Variants in PCDHGB6 observed in about 807,000 individuals in gnomAD.
PCDHGB6 encodes the protein protocadherin gamma-B6.
In PCDHGB6, 51 loss-of-function variants were observed where a neutral mutation model predicts 59.1. The observed-to-expected ratio is 0.86, with a 90% CI of 0.69 to 1.09. The LOEUF is 1.09. Ranked by LOEUF, PCDHGB6 falls within the 50% of genes least tolerant of loss-of-function variation. PCDHGB6 has a pLI of 0.00. For missense variants in PCDHGB6, 1,148 were observed against 1,205.1 expected (o/e 0.95, Z 0.70); for synonymous variants, 466 against 495.1 (o/e 0.94, Z 0.78).
At position 141,491,884 on chromosome 5, in the gene PCDHGB6, G is replaced by A. The variant is rs745931108; in HGVS notation, c.2419-2923G>A. The A allele has an allele frequency of 2.8e-6, 4 of 1,446,372 alleles. No homozygotes were observed. The highest frequency in any genetic ancestry group is 2.9e-5 in the Admixed American group (1 of 34,718). 89.6% of individuals were successfully genotyped at this position (1,446,372 alleles called of 1,614,324 possible). ...AACCAGAGTGGCCGATTAAGGGATG[G>A]GGCTCCGAGCACCGGGGGTGGTGGC... On this transcript the variant is annotated intron_variant, in intron 1 of 3. Coordinates refer to ENST00000520790, the MANE Select transcript of PCDHGB6 (RefSeq NM_018926.3). This position sits in a 1 kb window ranked among gnomAD's most constrained non-coding sequence, Gnocchi z 6.9.
At position 141,432,065 on chromosome 5, in the gene PCDHGB6, AC is replaced by A; in HGVS notation, c.2418+21446del. 1.2e-6 allele frequency: 2 copies of A among 1,614,048 alleles called. No homozygotes were observed. The highest frequency in any genetic ancestry group is 1.7e-6 in the Non-Finnish European group (2 of 1,180,006). On this transcript the variant is annotated intron_variant, in intron 1 of 3. Transcript: ENST00000520790. The surrounding 1 kb of genome is among the most constrained non-coding windows in gnomAD (Gnocchi z 6.0). ...GGGAACCCCGCCCCTATCCACGGAA[AC>A]TCATATCTCGCTGAACGTGGCAGAC...
At chr5:141,445,207 AAAGT>A (rs1322618652) in intron 1 of PCDHGB6, among the ~76,000 whole-genome samples, 1 of 152,196 alleles carries the variant, frequency 6.6e-6, no homozygotes, top group Non-Finnish European at 1.5e-5. Flanking sequence ...ATGCTTTTGA[AAAGT>A]AAGAGGTGCA....
At chr5:141,508,642 T>A (rs893357826) in intron 3 of PCDHGB6, among the ~76,000 whole-genome samples, 13 of 152,070 alleles carry the variant, frequency 8.5e-5, no homozygotes, top group Admixed American at 2.6e-4. Flanking sequence ...AGCTACTCCG[T>A]CAGGCCCTTC....
At chr5:141,419,279 G>C in intron 1 of PCDHGB6, 1 of 1,614,042 alleles carries the variant, frequency 6.2e-7, no homozygotes, top group South Asian at 1.1e-5. Flanking sequence ...CATAGCGCAA[G>C]TCAGTGCCTC....
chr5:141,497,239 G>A (rs2099775226), intron 2 of PCDHGB6, among the ~76,000 whole-genome samples: 1 of 152,104 alleles, frequency 6.6e-6, no homozygotes, highest in Admixed American at 6.5e-5. Flanking sequence ...AAGGCTTCTA[G>A]GAGGAGGTGA....
intron 1 of PCDHGB6, among the ~76,000 whole-genome samples, chr5:141,430,243 T>C (rs1020416761): frequency 5.6e-5 from 6 of 106,478 alleles, no homozygotes; most frequent in African/African-American, 3.0e-4. Flanking sequence ...GAGAAACTCC[T>C]AGGGAGACAT....
In PCDHGB6 at chr5:141,487,694, AC is replaced by A. The variant is rs1296386169; in HGVS notation, c.2419-7112del. On this transcript the variant is annotated intron_variant, in intron 1 of 3. Coordinates refer to ENST00000520790, the MANE Select transcript of PCDHGB6 (RefSeq NM_018926.3). The surrounding 1 kb of genome is among the most constrained non-coding windows in gnomAD (Gnocchi z 5.0). ...ATGGCTAGGCCATGTCCTAGAGAGT[AC>A]TGGCCTCTCAGTAAGTGCCCATAGT... is the stretch of plus-strand genomic sequence containing the variant. The A allele has an allele frequency of 6.2e-7, 1 of 1,602,048 alleles. No individual in the cohort carries two copies. The highest frequency in any genetic ancestry group is 2.2e-5 in the East Asian group (1 of 44,642).
Position 141,486,170 on chromosome 5 carries a change from C to A in PCDHGB6, c.2419-8637C>A. ...TGGGGGTTCTCCAGCCATGGAGCAACATTGCAGCCTTCGAGTGGATCTGCT... is the reference window on the plus strand; with the variant it reads ...TGGGGGTTCTCCAGCCATGGAGCAAAATTGCAGCCTTCGAGTGGATCTGCT... On this transcript the variant is annotated intron_variant, in intron 1 of 3. Coordinates refer to ENST00000520790, the MANE Select transcript of PCDHGB6 (RefSeq NM_018926.3). This position sits in a 1 kb window ranked among gnomAD's most constrained non-coding sequence, Gnocchi z 5.0. 6.2e-7 allele frequency: 1 copy of A among 1,614,234 alleles called. No homozygotes were observed. Among genetic ancestry groups the A allele is most frequent in the African/African-American group, 1.3e-5 (1 of 75,052 alleles).
chr5:141,473,879 C>G (rs937312573), intron 1 of PCDHGB6, among the ~76,000 whole-genome samples: 2 of 152,120 alleles, frequency 1.3e-5, no homozygotes, highest in Admixed American at 1.3e-4. Context: ...AATGCATACA[C>G]AAGGGTTCTG....
intron 2 of PCDHGB6, among the ~76,000 whole-genome samples, chr5:141,502,866 C>CTCTTTTTTT (rs1554188502): frequency 7.8e-6 from 1 of 128,046 alleles, no homozygotes; most frequent in African/African-American, 3.1e-5. Context: ...GACTCTCTGT[C>CTCTTTTTTT]TTTTTTTTTT....
At chr5:141,447,390 G>A (rs1048677634) in intron 1 of PCDHGB6, among the ~76,000 whole-genome samples, 4 of 151,976 alleles carry the variant, frequency 2.6e-5, no homozygotes, top group Admixed American at 6.6e-5. Flanking sequence ...TGCCCACCTC[G>A]GCCTCCCAAA....
At chr5:141,423,557 G>A (rs1365715281) in intron 1 of PCDHGB6, 4 of 1,613,536 alleles carry the variant, frequency 2.5e-6, no homozygotes, top group East Asian at 2.2e-5. Context: ...CCCAACTATG[G>A]GGACACGCTC....
intron 1 of PCDHGB6, among the ~76,000 whole-genome samples, chr5:141,462,819 A>G (rs1182498111): frequency 6.6e-6 from 1 of 152,210 alleles, no homozygotes; most frequent in East Asian, 1.9e-4. Context: ...TTTATTGGAC[A>G]GCAGACATTG....
chr5:141,447,164 G>T (rs2098528799), intron 1 of PCDHGB6, among the ~76,000 whole-genome samples: 1 of 151,766 alleles, frequency 6.6e-6, no homozygotes, highest in South Asian at 2.1e-4. Context: ...GTTTAAGCGG[G>T]GTCTTGCTCT....
In PCDHGB6 at chr5:141,410,925, C is replaced by T. The variant is rs576126485; in HGVS notation, c.2418+305C>T. The T allele has an allele frequency of 2.3e-5, 5 of 217,506 alleles. No individual in the cohort carries two copies. The East Asian group carries it at 5.8e-4, about 25-fold the overall frequency. 13.5% of individuals were successfully genotyped at this position (217,506 alleles called of 1,614,324 possible). Reference sequence around the variant, plus strand: ...CTGGAGTGCAGTGGCGTGATCTCTGCTCACTGCAACCTCCGCCTTCTGGGT... The same window carrying T: ...CTGGAGTGCAGTGGCGTGATCTCTGTTCACTGCAACCTCCGCCTTCTGGGT... On this transcript the variant is annotated intron_variant, in intron 1 of 3. Coordinates refer to ENST00000520790, the MANE Select transcript of PCDHGB6 (RefSeq NM_018926.3).
intron 1 of PCDHGB6, among the ~76,000 whole-genome samples, chr5:141,447,724 A>T (rs2098549653): frequency 6.6e-6 from 1 of 152,126 alleles, no homozygotes. Flanking sequence ...ATTTTCCAAA[A>T]CTCATTGAAC....
intron 1 of PCDHGB6, chr5:141,424,569 C>A (rs1436039976): frequency 6.6e-6 from 1 of 151,996 alleles, no homozygotes; most frequent in African/African-American, 2.4e-5. Flanking sequence ...TCTCAAAAAC[C>A]TATTTTCAAA....
intron 1 of PCDHGB6, 58 bp from the exon 2 acceptor site, chr5:141,494,749 G>A (rs573811540): frequency 2.9e-5 from 47 of 1,612,698 alleles, no homozygotes; most frequent in Non-Finnish European, 3.6e-5. Flanking sequence ...CTAGGGGCTC[G>A]GGTGACATTC....
At position 141,423,431 on chromosome 5, in the gene PCDHGB6, G is replaced by A. The variant is rs1220133197; in HGVS notation, c.2418+12811G>A. On this transcript the variant is annotated intron_variant, in intron 1 of 3. Coordinates refer to ENST00000520790, the MANE Select transcript of PCDHGB6 (RefSeq NM_018926.3). ...CAGGCTTCTGAAGGCGGGTTGGCAGGTATGCCCACGTCACATTTTGTAGGC... is the reference window on the plus strand; with the variant it reads ...CAGGCTTCTGAAGGCGGGTTGGCAGATATGCCCACGTCACATTTTGTAGGC... 3 of 1,613,892 alleles carry A rather than the reference G, an allele frequency of 1.9e-6. No homozygotes were observed. Among genetic ancestry groups the A allele is most frequent in the Admixed American group, 3.3e-5 (2 of 60,012 alleles).
Sources: allele counts gnomAD v4.1 joint callset (sites outside exome capture counted in the v4.1 genomes callset), GRCh38; gene constraint gnomAD v4.1.1; non-coding constraint Gnocchi (gnomAD v3.1); transcripts MANE v1.5; gene names NCBI Gene and HGNC (gene_info 2026-07-23, HGNC 2026-07-21).